SGK3: variants seen among roughly 807,000 people sequenced by gnomAD.
SGK3 encodes the protein serum/glucocorticoid regulated kinase family member 3.
SGK3 carries 47 observed loss-of-function variants against 68.5 expected under a neutral mutation model. That is an observed-to-expected ratio of 0.69 (90% CI 0.54 to 0.87). The LOEUF (loss-of-function observed/expected upper bound fraction) is 0.87. Among genes scored for constraint, SGK3 ranks in the 40% least tolerant of loss-of-function variants. SGK3 has a pLI of 0.00. For synonymous variants in SGK3, 181 were observed against 189.1 expected (o/e 0.96, Z 0.35); for missense variants, 479 against 575.5 (o/e 0.83, Z 1.72).
chr8:66,858,092 C>A (rs1322973556), intron 16 of SGK3, among the ~76,000 whole-genome samples: 2 of 152,032 alleles, frequency 1.3e-5, no homozygotes, highest in Admixed American at 1.3e-4. Flanking sequence ...TTACTTATAA[C>A]CGCTTCATTT....
chr8:66,770,529 T>C (rs1054814766), intron 1 of SGK3, among the ~76,000 whole-genome samples: 1 of 152,212 alleles, frequency 6.6e-6, no homozygotes, highest in Non-Finnish European at 1.5e-5. Context: ...AAGCAGTATT[T>C]ATTCTAGGGC....
At chr8:66,818,732 A>T (rs1316618724) in intron 5 of SGK3, among the ~76,000 whole-genome samples, 13 of 152,236 alleles carry the variant, frequency 8.5e-5, no homozygotes. Flanking sequence ...ATGTTGTCTC[A>T]TTAACTATAG....
At chr8:66,816,146 C>T (rs893423450) in intron 5 of SGK3, among the ~76,000 whole-genome samples, 14 of 151,816 alleles carry the variant, frequency 9.2e-5, no homozygotes, top group Admixed American at 5.3e-4. Flanking sequence ...ACTACAGGGG[C>T]GCACCACCAC....
In SGK3 at chr8:66,840,679, C is replaced by T. The variant is rs552241859; in HGVS notation, c.892-345C>T. On this transcript the variant is annotated intron_variant, in intron 12 of 16. Coordinates refer to ENST00000521198, the MANE Select transcript of SGK3 (RefSeq NM_001033578.3). ...GTTTGAAAATTGTTAATTTATTGGC[C>T]GGGTGTGGTGGCTCACGCCTGTAGT... 26 of 205,842 alleles carry T rather than the reference C, an allele frequency of 1.3e-4. 1 individual carries two copies. Among genetic ancestry groups the T allele is most frequent in the Admixed American group, 9.7e-4 (17 of 17,544 alleles). 12.8% of individuals were successfully genotyped at this position (205,842 alleles called of 1,614,324 possible). A position where few individuals can be genotyped will look rare whatever the true frequency, so the allele number is the denominator to read the frequency against.
intron 1 of SGK3, among the ~76,000 whole-genome samples, chr8:66,718,929 G>C (rs991313833): frequency 2.0e-5 from 3 of 151,692 alleles, no homozygotes; most frequent in Non-Finnish European, 4.4e-5. Flanking sequence ...TTTAATTTTA[G>C]TTTTGTCTTC....
chr8:66,744,500 TATATATATATATATATATA>T (rs1405398908), intron 1 of SGK3, among the ~76,000 whole-genome samples: 394 of 26,114 alleles, frequency 0.015, 15 homozygotes, highest in African/African-American at 0.052. Context: ...TATATATATA[TATATATATATATATATATA>T]TTTTTTTTTT....
At chr8:66,723,131 A>ATATATTTTTTT (rs1554591219) in intron 1 of SGK3, among the ~76,000 whole-genome samples, 3 of 29,492 alleles carry the variant, frequency 1.0e-4, no homozygotes, top group African/African-American at 1.2e-4. Context: ...ATATATATAT[A>ATATATTTTTTT]TTTTTTTTTT....
intron 1 of SGK3, among the ~76,000 whole-genome samples, chr8:66,721,767 A>T (rs1171760664): frequency 1.3e-5 from 2 of 150,130 alleles, no homozygotes; most frequent in African/African-American, 4.9e-5. Context: ...CAGTCATGTT[A>T]TGGGTTGAAT....
At chr8:66,808,939 G>A (rs565648895) in intron 4 of SGK3, among the ~76,000 whole-genome samples, 2 of 151,690 alleles carry the variant, frequency 1.3e-5, no homozygotes, top group Non-Finnish European at 2.9e-5. Context: ...GCGTGATCTC[G>A]GCCCACCACA....
At chr8:66,720,346 T>C (rs1269729695) in intron 1 of SGK3, among the ~76,000 whole-genome samples, 1 of 152,180 alleles carries the variant, frequency 6.6e-6, no homozygotes, top group African/African-American at 2.4e-5. Flanking sequence ...AGTTAGGAAT[T>C]AGAACAGCTG....
intron 1 of SGK3, among the ~76,000 whole-genome samples, chr8:66,720,781 T>TTATATATATATATATATATATA (rs758419858): frequency 1.3e-4 from 19 of 146,246 alleles, no homozygotes; most frequent in African/African-American, 2.1e-4. Flanking sequence ...AAAAAAAAAA[T>TTATATATATATATATATATATA]TATATATATA....
chr8:66,714,806 G>A (rs1241269296), intron 1 of SGK3, among the ~76,000 whole-genome samples: 1 of 152,192 alleles, frequency 6.6e-6, no homozygotes, highest in Admixed American at 6.5e-5. Context: ...TACAGATGAA[G>A]AAACTGAGGC....
At chr8:66,838,046 T>C (rs370623201) in intron 10 of SGK3, among the ~76,000 whole-genome samples, 5 of 152,210 alleles carry the variant, frequency 3.3e-5, no homozygotes, top group East Asian at 1.9e-4. Flanking sequence ...ATGGCATTTA[T>C]ATTAAATGCC....
intron 1 of SGK3, among the ~76,000 whole-genome samples, chr8:66,721,686 T>A (rs182094030): frequency 1.6e-3 from 165 of 105,508 alleles, no homozygotes; most frequent in South Asian, 5.5e-3. Context: ...CTATTTATAA[T>A]TTTTTTTTTT....
intron 1 of SGK3, among the ~76,000 whole-genome samples, chr8:66,717,757 G>A (rs947062772): frequency 6.6e-6 from 1 of 152,112 alleles, no homozygotes. Flanking sequence ...GGGCTGGAGT[G>A]CAGTGGCATG....
intron 1 of SGK3, among the ~76,000 whole-genome samples, chr8:66,753,842 A>G (rs781074939): frequency 4.6e-5 from 7 of 152,280 alleles, no homozygotes; most frequent in Middle Eastern, 6.8e-3. Flanking sequence ...AGAAAAGAAA[A>G]GAATATGATC....
At chr8:66,824,869 A>G (rs755519299) in intron 6 of SGK3, among the ~76,000 whole-genome samples, 3 of 152,246 alleles carry the variant, frequency 2.0e-5, no homozygotes, top group South Asian at 2.1e-4. Flanking sequence ...CAAATACTAT[A>G]TGAAAGTAGT....
chr8:66,753,882 A>G (rs1321781242), intron 1 of SGK3, among the ~76,000 whole-genome samples: 1 of 152,212 alleles, frequency 6.6e-6, no homozygotes, highest in Non-Finnish European at 1.5e-5. Context: ...AAAATATTCT[A>G]GCCACTCATT....
At chr8:66,759,979 A>G (rs1293891597) in intron 1 of SGK3, among the ~76,000 whole-genome samples, 1 of 152,128 alleles carries the variant, frequency 6.6e-6, no homozygotes, top group Admixed American at 6.6e-5. Flanking sequence ...TTTGTTGGCC[A>G]CCATTCAATC....
Sources: gnomAD v4.1 joint callset for allele counts (sites outside exome capture counted in the v4.1 genomes callset) on GRCh38, gnomAD v4.1.1 for gene constraint, MANE v1.5 for transcripts, NCBI Gene and HGNC (gene_info 2026-07-23, HGNC 2026-07-21) for gene names.